The following TAFA2 variants were observed in gnomAD, a reference collection of about 807,000 sequenced individuals.
TAFA2 encodes chemokine-like protein TAFA-2.
Under a neutral mutation model 18.8 loss-of-function variants are expected in TAFA2, and 7 were observed. The observed-to-expected ratio is 0.37, with a 90% CI of 0.21 to 0.70. The LOEUF (loss-of-function observed/expected upper bound fraction) is 0.70. TAFA2 is among the 30% of genes least tolerant of loss of function. The probability of loss-of-function intolerance (pLI) is 0.53; values close to 1 mark genes in which losing one functional copy is unlikely to be tolerated. For synonymous variants in TAFA2, 60 were observed against 54.2 expected, an observed-to-expected ratio of 1.11 and a Z score of -0.47; for missense variants, 122 against 158.1, an observed-to-expected ratio of 0.77 and a Z score of 1.23.
chr12:61,783,987 G>A (rs1870617513), intron 2 of TAFA2, among the ~76,000 whole-genome samples: 1 of 151,466 alleles, frequency 6.6e-6, no homozygotes, highest in Non-Finnish European at 1.5e-5. Context: ...ATAAGTGGAA[G>A]ATTAAATAGA....
At chr12:61,848,617 G>A (rs1056506257) in intron 2 of TAFA2, among the ~76,000 whole-genome samples, 3 of 151,668 alleles carry the variant, frequency 2.0e-5, no homozygotes, top group African/African-American at 7.3e-5. Flanking sequence ...TAAACATAGC[G>A]TGTGGCATCA....
chr12:61,985,206 G>A (rs1052057385), intron 1 of TAFA2, among the ~76,000 whole-genome samples: 16 of 152,160 alleles, frequency 1.1e-4, no homozygotes, highest in Non-Finnish European at 1.5e-4. Flanking sequence ...TAAAGGAAAC[G>A]CTGGACATGC....
At chr12:61,743,824 G>A (rs1236526046) in intron 4 of TAFA2, among the ~76,000 whole-genome samples, 3 of 152,040 alleles carry the variant, frequency 2.0e-5, no homozygotes, top group South Asian at 2.1e-4. Context: ...AACGTGTGAT[G>A]GACACAGGAG....
chr12:62,147,901 G>A (rs1473154874), intron 1 of TAFA2, among the ~76,000 whole-genome samples: 1 of 152,014 alleles, frequency 6.6e-6, no homozygotes, highest in African/African-American at 2.4e-5. Context: ...GTTGGCAAAG[G>A]ACATGAGCAG....
intron 1 of TAFA2, chr12:61,879,401 G>T (rs557905630): frequency 2.7e-6 from 2 of 728,206 alleles, no homozygotes; most frequent in Admixed American, 4.2e-5. Context: ...TACACGAGTG[G>T]TCCCGGTGCC....
intron 1 of TAFA2, among the ~76,000 whole-genome samples, chr12:61,932,937 C>G (rs957054089): frequency 6.6e-6 from 1 of 152,126 alleles, no homozygotes; most frequent in African/African-American, 2.4e-5. Context: ...CTGTTAGATC[C>G]TAGCAGGCTT....
intron 1 of TAFA2, among the ~76,000 whole-genome samples, chr12:61,983,383 G>GTTTTTTTTGT: frequency 6.8e-6 from 1 of 146,756 alleles, no homozygotes; most frequent in Middle Eastern, 3.5e-3. Context: ...CTGGGATTCT[G>GTTTTTTTTGT]TTTGTTTTGT....
In TAFA2 at chr12:62,147,304, A is replaced by G. The variant is rs370534466; in HGVS notation, c.-2+43955T>C. On this transcript the variant is annotated intron_variant, in intron 1 of 4. Coordinates refer to ENST00000416284, the MANE Select transcript of TAFA2 (RefSeq NM_178539.5). ...TATATATGTATGTATATATGTATGC[A>G]TGTGTGTGTGTGTGTATGTATGTAT... 2.7e-3 allele frequency among the ~76,000 whole-genome samples: 208 copies of G among 76,092 alleles called. 2 individuals carry two copies. Among genetic ancestry groups the G allele is most frequent in the African/African-American group, 9.5e-3 (181 of 18,992 alleles). 49.9% of individuals were successfully genotyped at this position (76,092 alleles called of 152,430 possible).
intron 2 of TAFA2, among the ~76,000 whole-genome samples, chr12:61,832,119 C>T (rs1231916414): frequency 1.3e-5 from 2 of 152,028 alleles, no homozygotes; most frequent in African/African-American, 2.4e-5. Context: ...CACTAACTTT[C>T]CTCCCCTTAA....
intron 1 of TAFA2, among the ~76,000 whole-genome samples, chr12:61,959,871 T>TTA (rs1565696703): frequency 1.3e-5 from 2 of 152,102 alleles, no homozygotes; most frequent in Non-Finnish European, 2.9e-5. Context: ...CTATTTTTTT[T>TTA]TATTTTTTTA....
At chr12:62,147,314 GTGTGTA>G (rs1400297303) in intron 1 of TAFA2, among the ~76,000 whole-genome samples, 299 of 27,858 alleles carry the variant, frequency 0.011, no homozygotes, top group Middle Eastern at 0.075. Context: ...ATGTGTGTGT[GTGTGTA>G]TGTATGTATA....
chr12:62,241,365 T>C (rs1473185058), intron 1 of TAFA2, among the ~76,000 whole-genome samples: 1 of 152,246 alleles, frequency 6.6e-6, no homozygotes, highest in Non-Finnish European at 1.5e-5. Flanking sequence ...CAAGCATTTC[T>C]CCAGGAGAGG....
At chr12:62,019,676 G>C (rs545990734) in intron 1 of TAFA2, among the ~76,000 whole-genome samples, 11 of 138,038 alleles carry the variant, frequency 8.0e-5, no homozygotes, top group Non-Finnish European at 1.2e-4. Context: ...GTTGTGGGGT[G>C]GGGGGAGGGA....
chr12:62,145,175 C>A (rs1031692735), intron 1 of TAFA2, among the ~76,000 whole-genome samples: 7 of 152,180 alleles, frequency 4.6e-5, no homozygotes, highest in African/African-American at 1.7e-4. Flanking sequence ...TTAGTTTGTG[C>A]TACATGGCAG....
At chr12:62,179,862 C>T (rs1191570585) in intron 1 of TAFA2, among the ~76,000 whole-genome samples, 1 of 152,156 alleles carries the variant, frequency 6.6e-6, no homozygotes, top group Non-Finnish European at 1.5e-5. Context: ...CTAACCCTGC[C>T]ACCTTCTCAA....
At chr12:61,873,367 T>A (rs1460550428) in intron 1 of TAFA2, among the ~76,000 whole-genome samples, 1 of 151,906 alleles carries the variant, frequency 6.6e-6, no homozygotes, top group Non-Finnish European at 1.5e-5. Flanking sequence ...TAGTTACATA[T>A]GTATACATGT....
At chr12:61,807,081 G>A (rs554111979) in intron 2 of TAFA2, among the ~76,000 whole-genome samples, 6 of 146,504 alleles carry the variant, frequency 4.1e-5, no homozygotes, top group East Asian at 3.9e-4. Context: ...AAACAATGGC[G>A]AAAATATCTC....
At chr12:62,237,341 C>A (rs2062842810) in intron 1 of TAFA2, among the ~76,000 whole-genome samples, 2 of 152,308 alleles carry the variant, frequency 1.3e-5, no homozygotes, top group Admixed American at 1.3e-4. Context: ...ATGCATTTTT[C>A]AGTTTAACAA....
At chr12:62,079,104 T>A (rs1353391918) in intron 1 of TAFA2, among the ~76,000 whole-genome samples, 1 of 152,176 alleles carries the variant, frequency 6.6e-6, no homozygotes. Context: ...CATGTTATCA[T>A]CTGCAGCTGC....
Sources: allele counts gnomAD v4.1 joint callset (sites outside exome capture counted in the v4.1 genomes callset), GRCh38; gene constraint gnomAD v4.1.1; transcripts MANE v1.5; gene names NCBI Gene and HGNC (gene_info 2026-07-23, HGNC 2026-07-21).